NFIA: variants seen among roughly 807,000 people sequenced by gnomAD.
NFIA encodes nuclear factor 1 A-type.
In NFIA, 8 loss-of-function variants were observed where a neutral mutation model predicts 62.8. The ratio of observed to expected loss-of-function variants is 0.13; its 90% CI spans 0.07 to 0.23. NFIA has a LOEUF of 0.23. Among genes scored for constraint, NFIA ranks in the 10% least tolerant of loss-of-function variants. NFIA has a pLI of 1.00. For missense variants in NFIA, 410 were observed against 642.1 expected (o/e 0.64, Z 3.91); for synonymous variants, 235 against 238.1 (o/e 0.99, Z 0.12).
chr1:61,110,687 G>A (rs552974341), intron 2 of NFIA, among the ~76,000 whole-genome samples: 7 of 152,116 alleles, frequency 4.6e-5, no homozygotes, highest in Non-Finnish European at 8.8e-5. Flanking sequence ...TACTTTTAGA[G>A]GATTTATATG....
intron 3 of NFIA, among the ~76,000 whole-genome samples, chr1:61,305,727 C>T (rs542447041): frequency 2.6e-5 from 4 of 152,178 alleles, no homozygotes; most frequent in Middle Eastern, 3.4e-3. Flanking sequence ...ACATTAGTCC[C>T]GTTTAACAGA....
At chr1:61,291,240 T>C (rs1658862375) in intron 3 of NFIA, among the ~76,000 whole-genome samples, 1 of 152,160 alleles carries the variant, frequency 6.6e-6, no homozygotes, top group Non-Finnish European at 1.5e-5. Flanking sequence ...TTTCAGCAGA[T>C]ATTGTTGAAT....
intron 10 of NFIA, among the ~76,000 whole-genome samples, chr1:61,430,645 CTT>C (rs2100559751): frequency 1.1e-5 from 1 of 88,206 alleles, no homozygotes; most frequent in East Asian, 7.1e-4. Context: ...TCCTCTTTCC[CTT>C]GTAGTCTGTT....
intron 2 of NFIA, among the ~76,000 whole-genome samples, chr1:61,265,191 G>A (rs752977476): frequency 2.6e-5 from 4 of 152,082 alleles, no homozygotes; most frequent in African/African-American, 9.7e-5. Flanking sequence ...CTGTTCCATA[G>A]TATAAAGATA....
intron 2 of NFIA, among the ~76,000 whole-genome samples, chr1:61,248,622 T>A (rs1320878363): frequency 6.6e-6 from 1 of 152,206 alleles, no homozygotes; most frequent in East Asian, 1.9e-4. Context: ...TATTTAAAGG[T>A]AATCCCAAAA....
intron 4 of NFIA, among the ~76,000 whole-genome samples, chr1:61,337,036 A>G (rs1245324518): frequency 6.6e-6 from 1 of 152,148 alleles, no homozygotes; most frequent in East Asian, 1.9e-4. Flanking sequence ...GGGAGGTGCT[A>G]TTTCAGTATT....
chr1:61,127,318 A>C (rs964909089), intron 2 of NFIA, among the ~76,000 whole-genome samples: 1 of 151,520 alleles, frequency 6.6e-6, no homozygotes, highest in Admixed American at 6.6e-5. Flanking sequence ...TTAGCCGGGC[A>C]TGGTGGCGCA....
At chr1:61,226,324 C>T (rs963266822) in intron 2 of NFIA, among the ~76,000 whole-genome samples, 2 of 152,232 alleles carry the variant, frequency 1.3e-5, no homozygotes, top group African/African-American at 4.8e-5. Context: ...ATAGACCATA[C>T]TAACACCTTT....
intron 2 of NFIA, among the ~76,000 whole-genome samples, chr1:61,129,827 T>C (rs1281770386): frequency 6.6e-6 from 1 of 152,150 alleles, no homozygotes; most frequent in Non-Finnish European, 1.5e-5. Flanking sequence ...AAGGGAACTT[T>C]AGAGATAACA....
intron 2 of NFIA, among the ~76,000 whole-genome samples, chr1:61,148,186 G>A (rs529975259): frequency 1.3e-5 from 2 of 152,220 alleles, no homozygotes; most frequent in East Asian, 3.9e-4. Context: ...ATTAGCATTT[G>A]CAACATGAAT....
At chr1:61,361,111 G>A (rs1162607258) in intron 6 of NFIA, among the ~76,000 whole-genome samples, 1 of 152,180 alleles carries the variant, frequency 6.6e-6, no homozygotes, top group Non-Finnish European at 1.5e-5. Context: ...AGAGATGGTG[G>A]TGTTAGTCTT....
At chr1:61,309,846 A>G (rs1451681337) in intron 3 of NFIA, among the ~76,000 whole-genome samples, 3 of 152,174 alleles carry the variant, frequency 2.0e-5, no homozygotes, top group Non-Finnish European at 4.4e-5. Flanking sequence ...CCGAGATTGC[A>G]CCACTGCACT....
chr1:61,093,070 A>G (rs1320609245), intron 2 of NFIA, among the ~76,000 whole-genome samples: 3 of 152,210 alleles, frequency 2.0e-5, no homozygotes, highest in Admixed American at 6.5e-5. Context: ...TTATAATTTT[A>G]TGCCAAATTA....
chr1:61,145,879 C>A (rs1349806631), intron 2 of NFIA, among the ~76,000 whole-genome samples: 1 of 152,134 alleles, frequency 6.6e-6, no homozygotes, highest in Non-Finnish European at 1.5e-5. Context: ...AAGTCACTGC[C>A]GATTTAATTC....
chr1:61,139,069 T>C (rs1246688260), intron 2 of NFIA, among the ~76,000 whole-genome samples: 1 of 152,020 alleles, frequency 6.6e-6, no homozygotes, highest in Non-Finnish European at 1.5e-5. Context: ...TCCCAGCTAC[T>C]TGGGAGACTG....
chr1:61,285,364 G>C (rs886497102), intron 3 of NFIA, among the ~76,000 whole-genome samples: 29 of 152,154 alleles, frequency 1.9e-4, no homozygotes, highest in Non-Finnish European at 7.4e-5. Flanking sequence ...TTTTAAATTT[G>C]AATGTGAATT....
At chr1:61,142,811 G>A (rs1334670428) in intron 2 of NFIA, among the ~76,000 whole-genome samples, 1 of 152,120 alleles carries the variant, frequency 6.6e-6, no homozygotes, top group African/African-American at 2.4e-5. Context: ...CAGGCTCTTA[G>A]GGCACATGGA....
At chr1:61,440,869 T>C (rs1173614000) in intron 10 of NFIA, among the ~76,000 whole-genome samples, 1 of 152,200 alleles carries the variant, frequency 6.6e-6, no homozygotes, top group Non-Finnish European at 1.5e-5. Flanking sequence ...CCAGTATTTT[T>C]CAAAAGTTTT....
chr1:61,116,260 A>G (rs1646791979), intron 2 of NFIA, among the ~76,000 whole-genome samples: 1 of 152,188 alleles, frequency 6.6e-6, no homozygotes, highest in Non-Finnish European at 1.5e-5. Context: ...TGAGACCCTA[A>G]GTTAATTAAC....
Sources: gnomAD v4.1 joint callset for allele counts (sites outside exome capture counted in the v4.1 genomes callset) on GRCh38, gnomAD v4.1.1 for gene constraint, MANE v1.5 for transcripts, NCBI Gene and HGNC (gene_info 2026-07-23, HGNC 2026-07-21) for gene names.